Variants in SCD5 observed in about 807,000 individuals in gnomAD.
The protein encoded by SCD5 is acyl-CoA-desaturase 4.
Under a neutral mutation model 30.4 loss-of-function variants are expected in SCD5, and 20 were observed. The observed-to-expected ratio is 0.66, with a 90% CI of 0.46 to 0.96. The LOEUF (loss-of-function observed/expected upper bound fraction) is 0.96, where lower values mean the gene tolerates loss of function less well. Among genes scored for constraint, SCD5 ranks in the 40% least tolerant of loss-of-function variants. The probability of loss-of-function intolerance (pLI) is 0.00; values close to 1 mark genes in which losing one functional copy is unlikely to be tolerated. For synonymous variants in SCD5, 173 were observed against 176.4 expected (o/e 0.98, Z 0.16); for missense variants, 381 against 443.3 (o/e 0.86, Z 1.26).
At chr4:82,636,941 C>T in intron 3 of SCD5, 118 bp from the exon 4 acceptor site, 1 of 785,616 alleles carries the variant, frequency 1.3e-6, no homozygotes, top group South Asian at 1.9e-5. Flanking sequence ...CAGTCAGCTC[C>T]TTCAACGCTT....
intron 3 of SCD5, among the ~76,000 whole-genome samples, chr4:82,650,088 G>A (rs746405248): frequency 2.6e-5 from 4 of 152,142 alleles, no homozygotes; most frequent in Admixed American, 2.0e-4. Context: ...GGTCTCAGCC[G>A]TAGGTTGTCT....
chr4:82,790,996 T>C (rs2148854310), intron 1 of SCD5, among the ~76,000 whole-genome samples: 1 of 152,264 alleles, frequency 6.6e-6, no homozygotes, highest in African/African-American at 2.4e-5. Flanking sequence ...TCCCAGCACT[T>C]TGGGAGGCCA....
chr4:82,705,539 G>T, intron 1 of SCD5, 126 bp from the exon 2 acceptor site: 1 of 1,295,146 alleles, frequency 7.7e-7, no homozygotes, highest in Non-Finnish European at 1.1e-6. Context: ...GCAACATGAA[G>T]AATCAATAAC....
At chr4:82,754,387 A>C (rs917045641) in intron 1 of SCD5, among the ~76,000 whole-genome samples, 1 of 152,212 alleles carries the variant, frequency 6.6e-6, no homozygotes, top group African/African-American at 2.4e-5. Context: ...AAGAATGGGA[A>C]AGCAGAGAGA....
chr4:82,737,142 T>C (rs557526706), intron 1 of SCD5, among the ~76,000 whole-genome samples: 11 of 152,352 alleles, frequency 7.2e-5, no homozygotes, highest in African/African-American at 2.6e-4. Flanking sequence ...TATGTTTGTA[T>C]GAGGGTATAA....
rs144655865 is a variant in SCD5 at position 82,755,976 on chromosome 4, T to C, written c.232+42330A>G. Among the ~76,000 whole-genome samples, 3 of 152,316 alleles carry C rather than the reference T, an allele frequency of 2.0e-5. No homozygotes were observed. In the East Asian group the frequency reaches 5.8e-4, roughly 29 times the overall value. On this transcript the variant is annotated intron_variant, in intron 1 of 4. Coordinates refer to ENST00000319540, the MANE Select transcript of SCD5 (RefSeq NM_001037582.3). ...ATTTTGACCCTGCACCACCAGAATTTGTTTAAATCAAATTGTCATCTAAAT... is the reference window on the plus strand; with the variant it reads ...ATTTTGACCCTGCACCACCAGAATTCGTTTAAATCAAATTGTCATCTAAAT...
chr4:82,754,472 G>A (rs1330518206), intron 1 of SCD5, among the ~76,000 whole-genome samples: 1 of 151,986 alleles, frequency 6.6e-6, no homozygotes, highest in Admixed American at 6.5e-5. Context: ...GGAGGGGTCT[G>A]GGTGGTCCTA....
intron 1 of SCD5, among the ~76,000 whole-genome samples, chr4:82,780,826 C>G (rs1488406100): frequency 6.6e-6 from 1 of 152,262 alleles, no homozygotes; most frequent in Non-Finnish European, 1.5e-5. Flanking sequence ...CCCAGGGGGC[C>G]AGCCTGGACG....
At chr4:82,725,478 T>G (rs973625534) in intron 1 of SCD5, among the ~76,000 whole-genome samples, 22 of 152,206 alleles carry the variant, frequency 1.4e-4, no homozygotes, top group Admixed American at 1.4e-3. Flanking sequence ...ATGACAGCTA[T>G]GGGTAGCATG....
Position 82,795,358 on chromosome 4 carries a change from G to A in SCD5, c.232+2948C>T, listed in dbSNP as rs1320454123. On this transcript the variant is annotated intron_variant, in intron 1 of 4. Coordinates refer to ENST00000319540, the MANE Select transcript of SCD5 (RefSeq NM_001037582.3). ...CCCTAATGCTACACATAACCAGTAG[G>A]GAGGTGGTGAAAAAGGGCCTTCAGT... Among the ~76,000 whole-genome samples, 5 of 152,184 alleles carry A rather than the reference G, an allele frequency of 3.3e-5. No individual in the cohort carries two copies. In the East Asian group the frequency reaches 9.6e-4, roughly 29 times the overall value.
intron 2 of SCD5, among the ~76,000 whole-genome samples, chr4:82,685,417 A>G (rs1459056313): frequency 6.6e-6 from 1 of 152,196 alleles, no homozygotes; most frequent in Non-Finnish European, 1.5e-5. Context: ...TTAATAAAAT[A>G]AAAGGTGAAA....
chr4:82,769,195 C>G (rs1721561991), intron 1 of SCD5, among the ~76,000 whole-genome samples: 1 of 152,056 alleles, frequency 6.6e-6, no homozygotes, highest in African/African-American at 2.4e-5. Context: ...TCTCTGAGCT[C>G]CATTCCCAGC....
At chr4:82,732,250 G>A (rs910337691) in intron 1 of SCD5, among the ~76,000 whole-genome samples, 5 of 151,990 alleles carry the variant, frequency 3.3e-5, no homozygotes, top group Non-Finnish European at 5.9e-5. Flanking sequence ...ACAGCTACTC[G>A]TCTGGCTAAT....
intron 1 of SCD5, among the ~76,000 whole-genome samples, chr4:82,747,108 T>G (rs961343150): frequency 7.0e-6 from 1 of 141,888 alleles, no homozygotes; most frequent in East Asian, 2.1e-4. Context: ...CATCCCCTGC[T>G]TCTGGCTCCC....
At chr4:82,726,971 C>A (rs1720512899) in intron 1 of SCD5, among the ~76,000 whole-genome samples, 1 of 152,210 alleles carries the variant, frequency 6.6e-6, no homozygotes, top group Non-Finnish European at 1.5e-5. Context: ...CCAAGCTCAT[C>A]CTGCAGAGTG....
At chr4:82,683,403 T>G (rs1482444199) in intron 2 of SCD5, among the ~76,000 whole-genome samples, 1 of 152,200 alleles carries the variant, frequency 6.6e-6, no homozygotes, top group East Asian at 1.9e-4. Context: ...GAAAGAACAC[T>G]CTGTCCCCCA....
chr4:82,798,080 T>TGGGGCG (rs1436762424), intron 1 of SCD5, among the ~76,000 whole-genome samples: 31 of 25,768 alleles, frequency 1.2e-3, no homozygotes, highest in African/African-American at 2.8e-3. Context: ...CGCGGCGGGG[T>TGGGGCG]GGGGGCGGGG....
chr4:82,742,306 G>C (rs1720892104), intron 1 of SCD5, among the ~76,000 whole-genome samples: 1 of 152,122 alleles, frequency 6.6e-6, no homozygotes, highest in South Asian at 2.1e-4. Context: ...TTCCTGAGTA[G>C]AGTGTGCCCT....
chr4:82,649,183 GT>G (rs1560523800), intron 3 of SCD5, among the ~76,000 whole-genome samples: 8 of 10,934 alleles, frequency 7.3e-4, no homozygotes, highest in African/African-American at 1.2e-3. Context: ...TGAGAGGGGT[GT>G]GTGTGTGTGT....
Sources: gnomAD v4.1 joint callset for allele counts (sites outside exome capture counted in the v4.1 genomes callset) on GRCh38, gnomAD v4.1.1 for gene constraint, MANE v1.5 for transcripts, NCBI Gene and HGNC (gene_info 2026-07-23, HGNC 2026-07-21) for gene names.